Variants in CELF2 observed in about 807,000 individuals in gnomAD.
CELF2 encodes CUGBP Elav-like family member 2, also known as CUG triplet repeat RNA-binding protein 2.
In CELF2, 8 loss-of-function variants were observed where a neutral mutation model predicts 62.6. The observed-to-expected ratio is 0.13, with a 90% CI of 0.07 to 0.23. CELF2 has a LOEUF of 0.23. CELF2 is among the 10% of genes least tolerant of loss of function. The probability of loss-of-function intolerance (pLI) is 1.00; values close to 1 mark genes in which losing one functional copy is unlikely to be tolerated. For missense variants in CELF2, 333 were observed against 671.0 expected (o/e 0.50, Z 5.56); for synonymous variants, 258 against 250.0 (o/e 1.03, Z -0.30).
chr10:10,882,386 T>G (rs1312736271), intron 1 of CELF2, among the ~76,000 whole-genome samples: 2 of 152,240 alleles, frequency 1.3e-5, no homozygotes, highest in Non-Finnish European at 2.9e-5. Context: ...TAGTTTGTTT[T>G]CTTAAATGTA....
intron 1 of CELF2, among the ~76,000 whole-genome samples, chr10:11,060,574 A>G (rs1450003715): frequency 6.6e-6 from 1 of 152,216 alleles, no homozygotes; most frequent in East Asian, 1.9e-4. Flanking sequence ...GCTTGGAGAT[A>G]GAATACAGGT....
At chr10:11,019,253 C>G (rs2057896970) in intron 1 of CELF2, among the ~76,000 whole-genome samples, 1 of 152,024 alleles carries the variant, frequency 6.6e-6, no homozygotes, top group African/African-American at 2.4e-5. Context: ...TGTCCTTTTT[C>G]GACATTTTAA....
chr10:10,858,018 G>A (rs2059847324), intron 1 of CELF2, among the ~76,000 whole-genome samples: 2 of 151,818 alleles, frequency 1.3e-5, no homozygotes, highest in Admixed American at 1.3e-4. Flanking sequence ...ATTATCTAAA[G>A]TCAGAAATTC....
At chr10:11,132,107 A>G (rs1278204283) in intron 1 of CELF2, among the ~76,000 whole-genome samples, 2 of 152,250 alleles carry the variant, frequency 1.3e-5, no homozygotes, top group Non-Finnish European at 2.9e-5. Context: ...CAAGTTATCC[A>G]CTGGCATCAC....
At chr10:10,664,474 A>G in the CELF2 span, among the ~76,000 whole-genome samples, 10 of 152,364 alleles carry the variant, frequency 6.6e-5, no homozygotes, top group East Asian at 1.5e-3. Context: ...ATTTGAAACA[A>G]TATTACAAAG....
Position 11,098,547 on chromosome 10 carries a change from CCAAAAAGAGATAA to C in CELF2, c.75-66936_75-66924del, listed in dbSNP as rs1404482402. The stretch of plus-strand genomic sequence containing the variant: ...GGAAAAAATGGATGAGGAAGAGGGC[CCAAAAAGAGATAA>C]CAGACACTGAAATCATCACATATTC... On this transcript the variant is annotated intron_variant, in intron 1 of 12. Coordinates refer to ENST00000633077, the MANE Select transcript of CELF2 (RefSeq NM_001326342.2). This position sits in a 1 kb window ranked among gnomAD's most constrained non-coding sequence, Gnocchi z 4.0. The C allele has an allele frequency of 6.6e-6, 1 of 151,930 alleles. No homozygotes were observed. Among genetic ancestry groups the C allele is most frequent in the African/African-American group, 2.4e-5 (1 of 41,328 alleles). 9.4% of individuals were successfully genotyped at this position (151,930 alleles called of 1,614,324 possible). A position where few individuals can be genotyped will look rare whatever the true frequency, so the allele number is the denominator to read the frequency against.
At chr10:11,070,850 CAA>C (rs1564612262) in intron 1 of CELF2, among the ~76,000 whole-genome samples, 1 of 152,006 alleles carries the variant, frequency 6.6e-6, no homozygotes, top group Non-Finnish European at 1.5e-5. Context: ...AACGAAAGAA[CAA>C]AAGTTTTGGA....
chr10:10,614,950 C>A, the CELF2 span, among the ~76,000 whole-genome samples: 1 of 151,994 alleles, frequency 6.6e-6, no homozygotes, highest in South Asian at 2.1e-4. Context: ...GCAATCAGGT[C>A]ATGGGAATCG....
chr10:10,751,582 G>A, the CELF2 span, among the ~76,000 whole-genome samples: 17 of 152,152 alleles, frequency 1.1e-4, no homozygotes, highest in South Asian at 3.5e-3. Flanking sequence ...ATGCTGATGA[G>A]GCAGGGCACT....
intron 1 of CELF2, among the ~76,000 whole-genome samples, chr10:11,060,276 T>G (rs1282196300): frequency 6.6e-6 from 1 of 152,210 alleles, no homozygotes; most frequent in Non-Finnish European, 1.5e-5. Flanking sequence ...CACTCAAAAC[T>G]TCCTGGATAG....
rs758727918 is a variant in CELF2, at chr10:10,934,289, C to T, written c.89+14290C>T. Reference sequence around the variant, plus strand: ...TAACATCTATCATGGTGGGAAGAGCCAGCAGCTTGTAAACTCCTCGAGGAG... The same window carrying T: ...TAACATCTATCATGGTGGGAAGAGCTAGCAGCTTGTAAACTCCTCGAGGAG... On this transcript the variant is annotated intron_variant, in intron 2 of 13. Coordinates refer to the CELF2 transcript ENST00000636488. This position sits in a 1 kb window ranked among gnomAD's most constrained non-coding sequence, Gnocchi z 4.4. Among the ~76,000 whole-genome samples the T allele has an allele frequency of 1.6e-4, 25 of 152,240 alleles. No individual in the cohort carries two copies. In the South Asian group the frequency reaches 4.4e-3, roughly 27 times the overall value.
At chr10:10,616,675 CGTGT>C in the CELF2 span, among the ~76,000 whole-genome samples, 2 of 134,010 alleles carry the variant, frequency 1.5e-5, no homozygotes, top group African/African-American at 5.7e-5. Context: ...CACCCAAATT[CGTGT>C]GTGTGTGTGT....
chr10:10,476,697 A>G, the CELF2 span, among the ~76,000 whole-genome samples: 1 of 152,156 alleles, frequency 6.6e-6, no homozygotes, highest in Admixed American at 6.6e-5. Flanking sequence ...TTTATTTCTT[A>G]TGGCATTTTC....
chr10:11,079,244 A>G (rs962920600), intron 1 of CELF2, among the ~76,000 whole-genome samples: 1 of 152,182 alleles, frequency 6.6e-6, no homozygotes, highest in Non-Finnish European at 1.5e-5. Flanking sequence ...TACCTGAACT[A>G]AAGTCCTCTC....
intron 1 of CELF2, among the ~76,000 whole-genome samples, chr10:11,054,330 C>CA (rs1449940005): frequency 6.6e-6 from 1 of 152,128 alleles, no homozygotes; most frequent in Non-Finnish European, 1.5e-5. Flanking sequence ...ACTGTGGTCT[C>CA]ACGAGGAAGA....
the CELF2 span, among the ~76,000 whole-genome samples, chr10:10,599,745 T>G: frequency 4.0e-5 from 6 of 150,246 alleles, no homozygotes; most frequent in Admixed American, 4.0e-4. Flanking sequence ...TTTTTTTGTT[T>G]TTTTGAGATG....
chr10:10,537,969 C>T, the CELF2 span, among the ~76,000 whole-genome samples: 27 of 152,170 alleles, frequency 1.8e-4, no homozygotes, highest in South Asian at 1.5e-3. Flanking sequence ...AGTCCAAGTG[C>T]GATGAGCCCT....
chr10:11,302,432 C>T lies in CELF2; in HGVS notation c.977-11707C>T, dbSNP rs999896931. Reference sequence around the variant, plus strand: ...AGGGGAGCCCCAGGTGGTGCCGATGCGGGCGAGGCTGTAACTTTACAGTAA... The same window carrying T: ...AGGGGAGCCCCAGGTGGTGCCGATGTGGGCGAGGCTGTAACTTTACAGTAA... On this transcript the variant is annotated intron_variant, in intron 9 of 12. Coordinates refer to ENST00000633077, the MANE Select transcript of CELF2 (RefSeq NM_001326342.2). The surrounding 1 kb of genome is among the most constrained non-coding windows in gnomAD (Gnocchi z 5.0). 1.3e-5 allele frequency among the ~76,000 whole-genome samples: 2 copies of T among 152,056 alleles called. No homozygotes were observed. Among genetic ancestry groups the T allele is most frequent in the Non-Finnish European group, 2.9e-5 (2 of 68,032 alleles).
chr10:10,798,226 T>C (rs1248053907), upstream of CELF2, among the ~76,000 whole-genome samples: 4 of 152,142 alleles, frequency 2.6e-5, no homozygotes, highest in Non-Finnish European at 4.4e-5. Flanking sequence ...AGGGTAGCTC[T>C]AAGCCCAGTG....
Sources: allele counts gnomAD v4.1 joint callset (sites outside exome capture counted in the v4.1 genomes callset), GRCh38; gene constraint gnomAD v4.1.1; non-coding constraint Gnocchi (gnomAD v3.1); transcripts MANE v1.5; gene names NCBI Gene and HGNC (gene_info 2026-07-23, HGNC 2026-07-21).